Variants in MACROD2 observed in about 807,000 individuals in gnomAD.
The protein encoded by MACROD2 is ADP-ribose glycohydrolase MACROD2.
A neutral mutation model predicts 70.4 loss-of-function variants in MACROD2; 36 were observed. The ratio of observed to expected loss-of-function variants is 0.51; its 90% CI spans 0.39 to 0.68. MACROD2 has a LOEUF of 0.68. Ranked by LOEUF, MACROD2 falls within the 30% of genes least tolerant of loss-of-function variation. The probability of loss-of-function intolerance (pLI) is 0.00; values close to 1 mark genes in which losing one functional copy is unlikely to be tolerated. For missense variants in MACROD2, 496 were observed against 538.4 expected (o/e 0.92, Z 0.78); for synonymous variants, 172 against 178.8 (o/e 0.96, Z 0.30).
At chr20:15,724,961 A>T (rs1414985801) in intron 8 of MACROD2, among the ~76,000 whole-genome samples, 1 of 152,162 alleles carries the variant, frequency 6.6e-6, no homozygotes, top group Non-Finnish European at 1.5e-5. Context: ...AGGCGCCTGT[A>T]GTCCCAGCTA....
chr20:14,815,897 G>A (rs1448877061), intron 5 of MACROD2, among the ~76,000 whole-genome samples: 2 of 151,884 alleles, frequency 1.3e-5, no homozygotes, highest in Non-Finnish European at 2.9e-5. Context: ...TATAAAGTTG[G>A]TCATTGTTTC....
chr20:14,269,270 T>C (rs1370663971), intron 3 of MACROD2, among the ~76,000 whole-genome samples: 2 of 152,126 alleles, frequency 1.3e-5, no homozygotes, highest in African/African-American at 4.8e-5. Flanking sequence ...GCGTATTATG[T>C]AGTGACTTTT....
intron 8 of MACROD2, among the ~76,000 whole-genome samples, chr20:15,830,693 GTGT>G (rs1020945730): frequency 2.6e-5 from 4 of 152,188 alleles, no homozygotes; most frequent in African/African-American, 9.6e-5. Flanking sequence ...ACCTTGTCCT[GTGT>G]TGTTTGTTAC....
intron 6 of MACROD2, among the ~76,000 whole-genome samples, chr20:15,269,766 C>A (rs1177803975): frequency 6.6e-6 from 1 of 152,136 alleles, no homozygotes; most frequent in African/African-American, 2.4e-5. Flanking sequence ...TTTCTGTGCA[C>A]CTGCCTTCTC....
intron 5 of MACROD2, among the ~76,000 whole-genome samples, chr20:14,787,390 T>C (rs2072388055): frequency 6.6e-6 from 1 of 152,118 alleles, no homozygotes; most frequent in Non-Finnish European, 1.5e-5. Context: ...TCATGCAGCC[T>C]TTTTCCTCTG....
intron 7 of MACROD2, among the ~76,000 whole-genome samples, chr20:15,486,532 A>G (rs2047165789): frequency 6.6e-6 from 1 of 152,212 alleles, no homozygotes; most frequent in African/African-American, 2.4e-5. Flanking sequence ...ATTGAGGAAT[A>G]GAGACCTGTT....
intron 15 of MACROD2, among the ~76,000 whole-genome samples, chr20:15,996,782 C>T (rs1056043100): frequency 1.3e-5 from 2 of 152,034 alleles, no homozygotes; most frequent in African/African-American, 4.8e-5. Context: ...ATTACCAAGA[C>T]CAACATTGAG....
chr20:15,660,893 A>T (rs2049812411), intron 8 of MACROD2, among the ~76,000 whole-genome samples: 1 of 152,096 alleles, frequency 6.6e-6, no homozygotes, highest in African/African-American at 2.4e-5. Flanking sequence ...AATTTTTTTC[A>T]CTTTGTACTG....
chr20:16,017,379 A>G (rs1418582830), intron 15 of MACROD2, among the ~76,000 whole-genome samples: 3 of 152,324 alleles, frequency 2.0e-5, no homozygotes, highest in East Asian at 1.9e-4. Flanking sequence ...TACACAGTAT[A>G]TGATTGCAGA....
At chr20:14,962,161 G>T (rs1235156207) in intron 5 of MACROD2, among the ~76,000 whole-genome samples, 1 of 152,056 alleles carries the variant, frequency 6.6e-6, no homozygotes, top group Non-Finnish European at 1.5e-5. Flanking sequence ...TTTTGTTGTT[G>T]TTGTTCTAGG....
intron 4 of MACROD2, among the ~76,000 whole-genome samples, chr20:14,624,197 T>C (rs969205107): frequency 1.3e-5 from 2 of 152,170 alleles, no homozygotes; most frequent in Non-Finnish European, 2.9e-5. Flanking sequence ...GCTTTAGGTG[T>C]CTGAGGCATG....
chr20:16,049,729 G>A (rs2067432511), intron 17 of MACROD2, 101 bp from the exon 18 acceptor site: 2 of 1,177,152 alleles, frequency 1.7e-6, no homozygotes, highest in Non-Finnish European at 2.5e-6. Flanking sequence ...CTATGTGAGG[G>A]GTGAGAGACA....
At chr20:15,787,766 T>C (rs1258431839) in intron 8 of MACROD2, among the ~76,000 whole-genome samples, 1 of 152,214 alleles carries the variant, frequency 6.6e-6, no homozygotes, top group African/African-American at 2.4e-5. Context: ...ATTTTTGTGC[T>C]ATGGAAATGT....
intron 8 of MACROD2, among the ~76,000 whole-genome samples, chr20:15,851,598 T>C (rs1051695021): frequency 4.6e-5 from 7 of 152,172 alleles, no homozygotes; most frequent in Non-Finnish European, 1.0e-4. Flanking sequence ...CAAAACTCTG[T>C]CTTCAAATAT....
At chr20:14,968,555 C>T (rs1255811906) in intron 5 of MACROD2, among the ~76,000 whole-genome samples, 2 of 152,096 alleles carry the variant, frequency 1.3e-5, no homozygotes, top group African/African-American at 2.4e-5. Context: ...GCAACCTGGA[C>T]GTGATTCTCC....
intron 5 of MACROD2, among the ~76,000 whole-genome samples, chr20:15,181,507 A>G (rs941416158): frequency 6.6e-5 from 10 of 152,344 alleles, no homozygotes; most frequent in Middle Eastern, 3.4e-3. Flanking sequence ...TTATATGTCT[A>G]TCCTTTTGGA....
intron 3 of MACROD2, among the ~76,000 whole-genome samples, chr20:14,243,214 A>G (rs2081943415): frequency 6.6e-6 from 1 of 152,216 alleles, no homozygotes; most frequent in Non-Finnish European, 1.5e-5. Flanking sequence ...AAAATTTGTC[A>G]GCTTTTGTGC....
intron 8 of MACROD2, among the ~76,000 whole-genome samples, chr20:15,708,757 G>A (rs1224410739): frequency 6.6e-6 from 1 of 151,560 alleles, no homozygotes; most frequent in African/African-American, 2.4e-5. Flanking sequence ...TGGACTTGGT[G>A]GCTCACACCT....
At chr20:15,615,887 T>C (rs892910682) in intron 8 of MACROD2, among the ~76,000 whole-genome samples, 1 of 152,130 alleles carries the variant, frequency 6.6e-6, no homozygotes, top group African/African-American at 2.4e-5. Context: ...AATATATTAA[T>C]TCCAGTGAAA....
Sources: gnomAD v4.1 joint callset for allele counts (sites outside exome capture counted in the v4.1 genomes callset) on GRCh38, gnomAD v4.1.1 for gene constraint, MANE v1.5 for transcripts, NCBI Gene and HGNC (gene_info 2026-07-23, HGNC 2026-07-21) for gene names.